Variants in SUGP2 observed in about 807,000 individuals in gnomAD.
SUGP2 encodes the protein SURP and G-patch domain containing 2.
Under a neutral mutation model 90.5 loss-of-function variants are expected in SUGP2, and 24 were observed. The observed-to-expected ratio is 0.27, with a 90% CI of 0.19 to 0.37. SUGP2 has a LOEUF of 0.37. Ranked by LOEUF, SUGP2 falls within the 10% of genes least tolerant of loss-of-function variation. SUGP2 has a pLI of 1.00. For missense variants in SUGP2, 1,233 were observed against 1,363.3 expected (o/e 0.90, Z 1.51); for synonymous variants, 473 against 513.4 (o/e 0.92, Z 1.06).
At chr19:18,994,198 A>T in intron 10 of SUGP2, 168 bp downstream of exon 10, 1 of 905,932 alleles carries the variant, frequency 1.1e-6, no homozygotes, top group Non-Finnish European at 1.7e-6. Context: ...AGAATGGGGC[A>T]TATCCACATC....
At chr19:19,000,637 A>G (rs907798467) in intron 8 of SUGP2, among the ~76,000 whole-genome samples, 11 of 152,226 alleles carry the variant, frequency 7.2e-5, no homozygotes, top group Non-Finnish European at 1.3e-4. Flanking sequence ...CCTGGGCTCA[A>G]GTGATCCCCC....
At chr19:19,019,373 G>T in intron 3 of SUGP2, 144 bp from the exon 4 acceptor site, 1 of 870,124 alleles carries the variant, frequency 1.1e-6, no homozygotes, top group Non-Finnish European at 1.7e-6. Context: ...CACCAGCATT[G>T]AAAAGAGGAA....
In SUGP2 at chr19:18,994,432, T is replaced by C. The variant is rs753591025; in HGVS notation, c.3183A>G (p.Glu1061=). Residue 1061 remains glutamate, a synonymous_variant, in exon 10 of 11, where the codon GAA becomes GAG. Transcript: ENST00000452918. ...TCTGTCGGAACACATCGAATGTGTCTTCTTTGTGCTCCTGCCCGTCAGCAC... is the reference window on the plus strand; with the variant it reads ...TCTGTCGGAACACATCGAATGTGTCCTCTTTGTGCTCCTGCCCGTCAGCAC... ...GLGADGQEHK[E]DTFDVFRQRM... is the part of the protein sequence containing the mutation. 1 of 1,614,222 alleles carries C rather than the reference T, an allele frequency of 6.2e-7. No individual in the cohort carries two copies. The highest frequency in any genetic ancestry group is 1.7e-5 in the Admixed American group (1 of 60,024).
intron 4 of SUGP2, among the ~76,000 whole-genome samples, chr19:19,015,304 T>C (rs2058459288): frequency 6.6e-6 from 1 of 151,962 alleles, no homozygotes; most frequent in Non-Finnish European, 1.5e-5. Context: ...CTTCAAGGAG[T>C]GGAACATGGA....
rs376707937 is a variant in SUGP2 at position 19,010,114 on chromosome 19, C to A, written c.2079G>T (p.Ala693=). The change falls in exon 5 of 11, where the codon GCG becomes GCT. Residue 693 remains alanine (A), a synonymous_variant. Transcript: ENST00000452918. ...TCTGGGTCCCGGTGGTCGCTCTCCT[C>A]GCCTTCCAGCCCCGGAGCCCTTGAG... ...LRAQGLRGWK[A]RRATTGTQTL... 6.3e-6 allele frequency: 10 copies of A among 1,595,598 alleles called. 1 individual carries two copies. In the Admixed American group the frequency reaches 1.4e-4, roughly 22 times the overall value.
intron 10 of SUGP2, 77 bp downstream of exon 10, chr19:18,994,289 T>C (rs1239403509): frequency 6.4e-7 from 1 of 1,559,444 alleles, no homozygotes; most frequent in Non-Finnish European, 8.7e-7. Context: ...GAACATCAAC[T>C]TTGTTGGGGG....
intron 3 of SUGP2, among the ~76,000 whole-genome samples, chr19:19,021,306 T>C (rs902306356): frequency 2.9e-4 from 44 of 152,200 alleles, no homozygotes; most frequent in African/African-American, 1.0e-3. Flanking sequence ...ATGTTGCAGC[T>C]TTCAGCTTAT....
At position 18,993,659 on chromosome 19, in the gene SUGP2, C is replaced by G. The variant is rs1374702152; in HGVS notation, c.*82G>C. On this transcript the variant is annotated 3_prime_UTR_variant, in exon 11 of 11. Coordinates refer to ENST00000452918, the MANE Select transcript of SUGP2 (RefSeq NM_001017392.5). ...ACACCAAACCGTACTTGGGCACTGG[C>G]TCCAGGCCGATCCAGGGCAGGGATG... The G allele has an allele frequency of 6.6e-6, 1 of 152,666 alleles. No homozygotes were observed. Among genetic ancestry groups the G allele is most frequent in the Non-Finnish European group, 1.5e-5 (1 of 68,082 alleles). 9.5% of individuals were successfully genotyped at this position (152,666 alleles called of 1,614,324 possible).
At chr19:19,015,782 G>A (rs1291900185) in intron 4 of SUGP2, among the ~76,000 whole-genome samples, 3 of 152,206 alleles carry the variant, frequency 2.0e-5, no homozygotes, top group Non-Finnish European at 4.4e-5. Context: ...TGGGATTACA[G>A]GCGTGAGCCA....
intron 8 of SUGP2, chr19:18,998,942 G>A (rs1039748094): frequency 6.6e-6 from 1 of 152,338 alleles, no homozygotes; most frequent in Admixed American, 6.5e-5. Flanking sequence ...ATGAGAAACG[G>A]GGCATCCGTC....
In SUGP2 at chr19:19,009,849, AC is replaced by A. The variant is rs1260874991; in HGVS notation, c.2338+5del. On this transcript the variant is annotated splice_donor_5th_base_variant and intron_variant, in intron 5 of 10. Transcript: ENST00000452918. ...CCAGAGGAGGGGGACAGGAGTGAGC[AC>A]CCACTGTCAGCAGATGGGCAGGGAG... 1.3e-6 allele frequency: 2 copies of A among 1,598,470 alleles called. No homozygotes were observed. Among genetic ancestry groups the A allele is most frequent in the Non-Finnish European group, 1.7e-6 (2 of 1,170,802 alleles).
intron 7 of SUGP2, among the ~76,000 whole-genome samples, chr19:19,002,235 C>T (rs1009471774): frequency 1.3e-5 from 2 of 152,016 alleles, no homozygotes; most frequent in African/African-American, 2.4e-5. Context: ...CAAAAACTAG[C>T]CAGGCGTGGT....
Position 18,995,292 on chromosome 19 carries a change from G to A in SUGP2, c.2992-12C>T, listed in dbSNP as rs953492969. Reference sequence around the variant, plus strand: ...AAGTCCTTGGGTTTCTGAGGAGAGAGGAGAGTCCAGGCATGTGGGCCACAG... The same window carrying A: ...AAGTCCTTGGGTTTCTGAGGAGAGAAGAGAGTCCAGGCATGTGGGCCACAG... On this transcript the variant is annotated splice_polypyrimidine_tract_variant and intron_variant, in intron 8 of 10. Coordinates refer to ENST00000452918, the MANE Select transcript of SUGP2 (RefSeq NM_001017392.5). 5 of 1,596,284 alleles carry A rather than the reference G, an allele frequency of 3.1e-6. No homozygotes were observed. The African/African-American group carries it at 4.0e-5, about 13-fold the overall frequency.
chr19:18,994,293 T>G, intron 10 of SUGP2, 73 bp downstream of exon 10: 1 of 1,558,754 alleles, frequency 6.4e-7, no homozygotes, highest in Non-Finnish European at 8.7e-7. Context: ...ATCAACTTTG[T>G]TGGGGGAAAT....
intron 8 of SUGP2, among the ~76,000 whole-genome samples, chr19:18,996,162 C>T (rs1253293270): frequency 3.9e-5 from 6 of 151,976 alleles, no homozygotes; most frequent in African/African-American, 1.2e-4. Context: ...TTTGGGAGGC[C>T]GAGGTGGGTG....
chr19:18,994,774 G>A lies in SUGP2; in HGVS notation c.3129-288C>T, dbSNP rs116238926. 7.1e-3 allele frequency: 3,750 copies of A among 529,904 alleles called. 124 individuals carry two copies. Among genetic ancestry groups the A allele is most frequent in the African/African-American group, 0.064 (3,386 of 52,644 alleles). 32.8% of individuals were successfully genotyped at this position (529,904 alleles called of 1,614,324 possible). A position where few individuals can be genotyped will look rare whatever the true frequency, so the allele number is the denominator to read the frequency against. On this transcript the variant is annotated intron_variant, in intron 9 of 10. Transcript: ENST00000452918. The stretch of plus-strand genomic sequence containing the variant: ...GAAATGCCTGCTGGAGGTTATGATC[G>A]GGGTTTAATAAACTTTGGGCCTGTG...
At chr19:19,033,278 C>A in intron 1 of SUGP2, 159 bp downstream of exon 1, 1 of 830,830 alleles carries the variant, frequency 1.2e-6, no homozygotes, top group South Asian at 5.7e-5. Flanking sequence ...GAGGCCGCAG[C>A]CGGCCACCCA....
rs116953419 is a variant in SUGP2, at chr19:19,010,277, C to T, written c.1916G>A (p.Arg639Gln). 1,943 of 1,613,968 alleles carry T rather than the reference C, an allele frequency of 1.2e-3. 34 individuals carry two copies. The East Asian group carries it at 0.037, about 31-fold the overall frequency. The change falls in exon 5 of 11, where the codon CGG becomes CAG. Residue 639 changes from arginine (R) to glutamine (Q), a missense_variant. Coordinates refer to ENST00000452918, the MANE Select transcript of SUGP2 (RefSeq NM_001017392.5). The stretch of plus-strand genomic sequence containing the variant: ...GGCTCCTCGCAAGTTCTCGCTCATC[C>T]GCTGCATTTCTGCCAACTTCAGCTT... ...YYKLKLAEMQ[R>Q]MSENLRGADQ...
intron 10 of SUGP2, chr19:18,994,161 T>G: frequency 1.5e-6 from 1 of 663,816 alleles, no homozygotes; most frequent in Non-Finnish European, 2.4e-6. Context: ...AGTGTGAGGT[T>G]TGCTCCTTCA....
Sources: allele counts gnomAD v4.1 joint callset (sites outside exome capture counted in the v4.1 genomes callset), GRCh38; gene constraint gnomAD v4.1.1; transcripts MANE v1.5; gene names NCBI Gene and HGNC (gene_info 2026-07-23, HGNC 2026-07-21).